The following RBFOX1 variants were observed in gnomAD, a reference collection of about 807,000 sequenced individuals.
RBFOX1 encodes the protein RNA binding fox-1 homolog 1, also known as RNA binding protein fox-1 homolog 1.
Under a neutral mutation model 57.7 loss-of-function variants are expected in RBFOX1, and 8 were observed. The ratio of observed to expected loss-of-function variants is 0.14; its 90% CI spans 0.08 to 0.25. The LOEUF (loss-of-function observed/expected upper bound fraction) is 0.25. Ranked by LOEUF, RBFOX1 falls within the 10% of genes least tolerant of loss-of-function variation. RBFOX1 has a pLI of 1.00. For missense variants in RBFOX1, 611 were observed against 548.5 expected (o/e 1.11, Z -1.14); for synonymous variants, 326 against 222.4 (o/e 1.47, Z -4.15).
intron 10 of RBFOX1, 147 bp from the exon 11 acceptor site, chr16:7,630,456 A>C (rs907235182): frequency 6.7e-7 from 1 of 1,498,622 alleles, no homozygotes; most frequent in Non-Finnish European, 8.9e-7. Flanking sequence ...TGGCTAAGGC[A>C]GGGGGCTTTG....
intron 2 of RBFOX1, among the ~76,000 whole-genome samples, chr16:6,626,543 T>C (rs1229420119): frequency 1.3e-5 from 2 of 152,182 alleles, no homozygotes; most frequent in African/African-American, 4.8e-5. Flanking sequence ...GCGGATCACC[T>C]GGGATCAGGA....
chr16:7,415,063 C>A (rs1421964897), intron 4 of RBFOX1, among the ~76,000 whole-genome samples: 1 of 152,208 alleles, frequency 6.6e-6, no homozygotes, highest in African/African-American at 2.4e-5. Flanking sequence ...CTCTGACATA[C>A]AAAGATTCAG....
At chr16:6,137,622 T>A (rs1219686375) in intron 1 of RBFOX1, among the ~76,000 whole-genome samples, 9 of 147,146 alleles carry the variant, frequency 6.1e-5, no homozygotes, top group Non-Finnish European at 1.2e-4. Flanking sequence ...TTTTTTTTTT[T>A]TTTTTTTTTT....
At chr16:6,663,283 G>A (rs1443602040) in intron 3 of RBFOX1, among the ~76,000 whole-genome samples, 1 of 152,196 alleles carries the variant, frequency 6.6e-6, no homozygotes, top group Non-Finnish European at 1.5e-5. Flanking sequence ...CTCAGCTTAA[G>A]TATTTGTATA....
chr16:6,445,212 C>T (rs2094460330), intron 2 of RBFOX1, among the ~76,000 whole-genome samples: 3 of 151,898 alleles, frequency 2.0e-5, no homozygotes, highest in Admixed American at 2.0e-4. Flanking sequence ...ATAAGTTTAG[C>T]CTGAGATTTT....
rs374517556 is a variant in RBFOX1, at chr16:6,890,598, T to C, written c.-15-161459T>C. On this transcript the variant is annotated intron_variant, in intron 3 of 15. Transcript: ENST00000550418. ...GTAAAGTGATAGATTTAAGGAATCA[T>C]TGCTTTGGTTATCGTTTATTGTGTT... is the stretch of plus-strand genomic sequence containing the variant. Among the ~76,000 whole-genome samples, 10 of 152,330 alleles carry C rather than the reference T, an allele frequency of 6.6e-5. 2 individuals carry two copies. Among genetic ancestry groups the C allele is most frequent in the East Asian group, 1.9e-4 (1 of 5,176 alleles).
intron 4 of RBFOX1, among the ~76,000 whole-genome samples, chr16:7,351,711 C>T (rs7199688): frequency 0.036 from 5,474 of 152,246 alleles, 337 homozygotes; most frequent in African/African-American, 0.13. Flanking sequence ...TTTACTCTCC[C>T]ATGCCCTAAA....
At chr16:5,289,757 T>C (rs1285121695) in intron 1 of RBFOX1, among the ~76,000 whole-genome samples, 3 of 152,196 alleles carry the variant, frequency 2.0e-5, no homozygotes, top group Non-Finnish European at 4.4e-5. Flanking sequence ...AGAGAATGTA[T>C]AAATGGAGAG....
At chr16:5,305,118 A>T in intron 1 of RBFOX1, among the ~76,000 whole-genome samples, 1 of 152,162 alleles carries the variant, frequency 6.6e-6, no homozygotes, top group Non-Finnish European at 1.5e-5. Flanking sequence ...GTGCGTGTTG[A>T]GAAGTCTGAA....
intron 3 of RBFOX1, among the ~76,000 whole-genome samples, chr16:6,773,393 AT>A (rs2078756958): frequency 8.0e-6 from 1 of 124,746 alleles, no homozygotes; most frequent in Non-Finnish European, 1.6e-5. Context: ...CGTGGGGTAT[AT>A]TTGTGTGTAT....
At chr16:7,235,982 C>A (rs1603425990) in intron 4 of RBFOX1, among the ~76,000 whole-genome samples, 1 of 152,238 alleles carries the variant, frequency 6.6e-6, no homozygotes, top group South Asian at 2.1e-4. Flanking sequence ...TGGCTTGCAC[C>A]ATTGCTGATT....
intron 3 of RBFOX1, among the ~76,000 whole-genome samples, chr16:5,860,285 G>A (rs1039763264): frequency 5.9e-5 from 9 of 152,092 alleles, no homozygotes; most frequent in Non-Finnish European, 1.0e-4. Context: ...GTCTCACCAT[G>A]TTGGTCAGGC....
At chr16:7,467,096 G>A (rs746214798) in intron 4 of RBFOX1, among the ~76,000 whole-genome samples, 8 of 152,114 alleles carry the variant, frequency 5.3e-5, no homozygotes, top group Non-Finnish European at 1.0e-4. Context: ...TTTAAATTGC[G>A]ATATGAAGGA....
At chr16:7,029,268 GTATACGTATATATATACACATATATA>G (rs1568442108) in intron 3 of RBFOX1, among the ~76,000 whole-genome samples, 1 of 100,184 alleles carries the variant, frequency 1.0e-5, no homozygotes, top group Non-Finnish European at 1.8e-5. Flanking sequence ...ATATATATAC[GTATACGTATATATATACACATATATA>G]TATACGTATA....
At chr16:7,697,272 C>T (rs568612122) in intron 14 of RBFOX1, among the ~76,000 whole-genome samples, 1 of 152,068 alleles carries the variant, frequency 6.6e-6, no homozygotes, top group African/African-American at 2.4e-5. Context: ...GGAGAACAAA[C>T]AGGACATACT....
chr16:7,639,875 TTATC>T lies in RBFOX1; in HGVS notation c.757+9196_757+9199del, dbSNP rs1287268677. Reference sequence around the variant, plus strand: ...CTCCCTGCCACCTCAATCATAGCACTTATCTATTTATGAACAATAGTTGCCCACA... The same window carrying T: ...CTCCCTGCCACCTCAATCATAGCACTTATTTATGAACAATAGTTGCCCACA... On this transcript the variant is annotated intron_variant, in intron 11 of 15. Transcript: ENST00000550418. 2.6e-5 allele frequency among the ~76,000 whole-genome samples: 4 copies of T among 152,302 alleles called. No homozygotes were observed. In the East Asian group the frequency reaches 7.7e-4, roughly 29 times the overall value.
At position 7,024,921 on chromosome 16, in the gene RBFOX1, G is replaced by A. The variant is rs180826494; in HGVS notation, c.-15-27136G>A. 2.6e-3 allele frequency among the ~76,000 whole-genome samples: 392 copies of A among 152,228 alleles called. 3 individuals carry two copies. Among genetic ancestry groups the A allele is most frequent in the African/African-American group, 9.2e-3 (384 of 41,538 alleles). On this transcript the variant is annotated intron_variant, in intron 3 of 15. Transcript: ENST00000550418. ...CTGCTGCACTCCTCACTTTATAGAG[G>A]AGGACACTGAGGCCCAGAGAGGAAC...
chr16:6,370,522 C>G (rs1447806879), intron 2 of RBFOX1, among the ~76,000 whole-genome samples: 5 of 152,088 alleles, frequency 3.3e-5, no homozygotes, highest in African/African-American at 1.2e-4. Flanking sequence ...GAGTAAAATT[C>G]TGACACGTGC....
At chr16:5,468,441 T>C (rs1237584959) in intron 2 of RBFOX1, among the ~76,000 whole-genome samples, 1 of 152,182 alleles carries the variant, frequency 6.6e-6, no homozygotes, top group African/African-American at 2.4e-5. Flanking sequence ...AGTGGAATCA[T>C]ATAGTAAGTG....
Sources: allele counts gnomAD v4.1 joint callset (sites outside exome capture counted in the v4.1 genomes callset), GRCh38; gene constraint gnomAD v4.1.1; transcripts MANE v1.5; gene names NCBI Gene and HGNC (gene_info 2026-07-23, HGNC 2026-07-21).